PUF60: variants seen among roughly 807,000 people sequenced by gnomAD.
The protein encoded by PUF60 is poly(U)-binding-splicing factor PUF60.
In PUF60, 10 loss-of-function variants were observed where a neutral mutation model predicts 61.8. That is an observed-to-expected ratio of 0.16 (90% CI 0.10 to 0.27). The LOEUF is 0.27. Ranked by LOEUF, PUF60 falls within the 10% of genes least tolerant of loss-of-function variation. The pLI is 1.00. For missense variants in PUF60, 371 were observed against 754.0 expected, an observed-to-expected ratio of 0.49 and a Z score of 5.95; for synonymous variants, 353 against 300.9, an observed-to-expected ratio of 1.17 and a Z score of -1.79.
At chr8:143,819,248 G>A (rs1423929923) in intron 5 of PUF60, among the ~76,000 whole-genome samples, 3 of 152,148 alleles carry the variant, frequency 2.0e-5, no homozygotes, top group Non-Finnish European at 4.4e-5. Flanking sequence ...GACCCTACGA[G>A]AAGCCCCCAG....
chr8:143,821,467 G>A (rs1260425293), intron 4 of PUF60, 130 bp downstream of exon 4: 2 of 867,008 alleles, frequency 2.3e-6, no homozygotes, highest in Non-Finnish European at 3.6e-6. Context: ...TCCCGAGCAT[G>A]AGTCTTTGAG....
At position 143,826,075 on chromosome 8, in the gene PUF60, C is replaced by T. The variant is rs1009992574; in HGVS notation, c.25-1676G>A. On this transcript the variant is annotated intron_variant, in intron 1 of 11. Transcript: ENST00000526683. ...GACGCTGGGAGAACTTGGAGGAAAC[C>T]GGTGTTTACAATCGCAGCTAGTCAC... 1.3e-4 allele frequency among the ~76,000 whole-genome samples: 20 copies of T among 152,328 alleles called. No homozygotes were observed. The East Asian group carries it at 1.9e-3, about 15-fold the overall frequency.
At chr8:143,828,103 G>A (rs1306125964) in intron 1 of PUF60, among the ~76,000 whole-genome samples, 2 of 152,254 alleles carry the variant, frequency 1.3e-5, no homozygotes, top group Admixed American at 6.5e-5. Flanking sequence ...AAAGAGTGGA[G>A]TTAGCCAGTC....
rs546901316 is a variant in PUF60 at position 143,828,294 on chromosome 8, A to C, written c.24+986T>G. ...CAGTCCAGCCTTCAGCCATTTGCCC[A>C]AGCTGTCTTCTCAAACAGACCTTAT... On this transcript the variant is annotated intron_variant, in intron 1 of 11. Coordinates refer to ENST00000526683, the MANE Select transcript of PUF60 (RefSeq NM_078480.3). Among the ~76,000 whole-genome samples the C allele has an allele frequency of 9.2e-5, 14 of 152,304 alleles. No homozygotes were observed. The South Asian group carries it at 2.9e-3, about 32-fold the overall frequency.
chr8:143,826,299 G>C (rs1817629028), intron 1 of PUF60, among the ~76,000 whole-genome samples: 1 of 152,236 alleles, frequency 6.6e-6, no homozygotes, highest in South Asian at 2.1e-4. Flanking sequence ...GAAAAGCAAT[G>C]TAGGGGCTGG....
chr8:143,820,734 C>CA lies in PUF60; in HGVS notation c.298-19dup. 6.2e-7 allele frequency: 1 copy of CA among 1,610,918 alleles called. No individual in the cohort carries two copies. ...GCTGCCATCTGAAAGACAGTAAAGACAGAGTTCAGTCTGTTGGAGCCGAGC... is the reference window on the plus strand; with the variant it reads ...GCTGCCATCTGAAAGACAGTAAAGACAAGAGTTCAGTCTGTTGGAGCCGAGC... On this transcript the variant is annotated intron_variant, in intron 4 of 11. Coordinates refer to ENST00000526683, the MANE Select transcript of PUF60 (RefSeq NM_078480.3).
Position 143,817,234 on chromosome 8 carries a change from G to A in PUF60, c.1145-89C>T, listed in dbSNP as rs922185401. 5.9e-6 allele frequency: 9 copies of A among 1,518,076 alleles called. No homozygotes were observed. Among genetic ancestry groups the A allele is most frequent in the South Asian group, 3.9e-5 (3 of 76,754 alleles). 94.0% of individuals were successfully genotyped at this position (1,518,076 alleles called of 1,614,324 possible). A position where few individuals can be genotyped will look rare whatever the true frequency, so the allele number is the denominator to read the frequency against. On this transcript the variant is annotated intron_variant, in intron 10 of 11. Transcript: ENST00000526683. This position sits in a 1 kb window ranked among gnomAD's most constrained non-coding sequence, Gnocchi z 7.4. ...GAGCTGGCCTGCCCTGGGCTCAGAG[G>A]GTTGTGCCCAGACCACCAGGGCCAG...
At position 143,829,277 on chromosome 8, in the gene PUF60, T is replaced by C; in HGVS notation, c.24+3A>G. 1 of 1,265,158 alleles carries C rather than the reference T, an allele frequency of 7.9e-7. No homozygotes were observed. The highest frequency in any genetic ancestry group is 1.0e-6 in the Non-Finnish European group (1 of 998,708). 78.4% of individuals were successfully genotyped at this position (1,265,158 alleles called of 1,614,324 possible). ...GCCCGCGCTCATGGGGGGGCTCACT[T>C]ACGAGAGCTATGGTCGCCGTCGCCA... On this transcript the variant is annotated splice_donor_region_variant and intron_variant, in intron 1 of 11. Coordinates refer to ENST00000526683, the MANE Select transcript of PUF60 (RefSeq NM_078480.3).
At chr8:143,824,489 A>C in intron 1 of PUF60, 90 bp from the exon 2 acceptor site, 2 of 1,376,542 alleles carry the variant, frequency 1.5e-6, no homozygotes, top group Non-Finnish European at 2.0e-6. Flanking sequence ...TGAGCTCCTC[A>C]CGGATAAGCA....
intron 1 of PUF60, chr8:143,827,049 T>G (rs1304276226): frequency 1.3e-5 from 4 of 296,296 alleles, no homozygotes; most frequent in Non-Finnish European, 2.6e-5. Context: ...GGCTCCACAG[T>G]GAGCGCTGCA....
chr8:143,827,860 C>T lies in PUF60; in HGVS notation c.24+1420G>A, dbSNP rs920484430. On this transcript the variant is annotated intron_variant, in intron 1 of 11. Transcript: ENST00000526683. Reference sequence around the variant, plus strand: ...ACAGCAGACCTGAGCCCCCATTTAACCCTCATGAGCACAGGGCGCTGTTCT... The same window carrying T: ...ACAGCAGACCTGAGCCCCCATTTAATCCTCATGAGCACAGGGCGCTGTTCT... Among the ~76,000 whole-genome samples the T allele has an allele frequency of 5.3e-5, 8 of 152,322 alleles. No homozygotes were observed. The South Asian group carries it at 1.0e-3, about 20-fold the overall frequency.
rs1024874465 is a variant in PUF60, at chr8:143,817,160, A to T, written c.1145-15T>A. The T allele has an allele frequency of 6.3e-7, 1 of 1,578,774 alleles. No homozygotes were observed. The highest frequency in any genetic ancestry group is 1.3e-5 in the African/African-American group (1 of 74,316). On this transcript the variant is annotated splice_polypyrimidine_tract_variant and intron_variant, in intron 10 of 11. Transcript: ENST00000526683. This position sits in a 1 kb window ranked among gnomAD's most constrained non-coding sequence, Gnocchi z 7.4. ...TGGGGTCACACCTGCAGGAAAACCA[A>T]CCAGGTCCATCAGTCACTCCCTACC...
intron 1 of PUF60, among the ~76,000 whole-genome samples, chr8:143,826,224 G>T (rs750931133): frequency 2.0e-5 from 3 of 152,228 alleles, no homozygotes; most frequent in African/African-American, 7.2e-5. Context: ...GGGCTCTGGG[G>T]TGCCAACTCT....
At chr8:143,829,041 C>T (rs1264148861) in intron 1 of PUF60, 2 of 1,007,768 alleles carry the variant, frequency 2.0e-6, no homozygotes, top group South Asian at 4.5e-5. Context: ...ACGCCGCGCC[C>T]AGGCCCCCGC....
At chr8:143,816,859 G>C in intron 11 of PUF60, 40 bp from the exon 12 acceptor site, 1 of 1,597,764 alleles carries the variant, frequency 6.3e-7, no homozygotes, top group Non-Finnish European at 8.5e-7. Context: ...TGAGCACTGC[G>C]GCCCCGCCCC....
In PUF60 at chr8:143,817,545, G is replaced by A. The variant is rs755487575; in HGVS notation, c.1008+47C>T. 18 of 1,608,422 alleles carry A rather than the reference G, an allele frequency of 1.1e-5. No homozygotes were observed. In the African/African-American group the frequency reaches 1.7e-4, roughly 16 times the overall value. On this transcript the variant is annotated intron_variant, in intron 9 of 11. Coordinates refer to ENST00000526683, the MANE Select transcript of PUF60 (RefSeq NM_078480.3). The surrounding 1 kb of genome is among the most constrained non-coding windows in gnomAD (Gnocchi z 7.4). ...CCTTGAATCAGTCTCCAAGGAATCA[G>A]GGGCCAGCCCGCCCACCCTCAAGCC...
rs1489383612 is a variant in PUF60, at chr8:143,817,020, GCTC to G, written c.1267_1269del (p.Glu423del). 3.7e-6 allele frequency: 6 copies of G among 1,609,774 alleles called. No homozygotes were observed. Among genetic ancestry groups the G allele is most frequent in the African/African-American group, 1.3e-5 (1 of 74,876 alleles). On this transcript the variant is annotated inframe_deletion, in exon 11 of 12. Transcript: ENST00000526683. This position sits in a 1 kb window ranked among gnomAD's most constrained non-coding sequence, Gnocchi z 7.4. Reference sequence around the variant, plus strand: ...TCTGGCCGCTCTGACTCGGGAAACAGCTCCTCTTCTTCCTTCTCCTTCTTGGGC... The same window carrying G: ...TCTGGCCGCTCTGACTCGGGAAACAGCTCTTCTTCCTTCTCCTTCTTGGGC...
In PUF60 at chr8:143,818,232, C is replaced by T; in HGVS notation, c.564G>A (p.Glu188=). ...EVPEAAQLAL[E]QMNSVMLGGR... The stretch of plus-strand genomic sequence containing the variant: ...CCCCCAGCATCACCGAGTTCATCTG[C>T]TCCAAGGCCAGCTGTGCAGCTTCGG... The change falls in exon 7 of 12, where the codon GAG becomes GAA. Residue 188 remains glutamate (E), a synonymous_variant. Coordinates refer to ENST00000526683, the MANE Select transcript of PUF60 (RefSeq NM_078480.3). This position sits in a 1 kb window ranked among gnomAD's most constrained non-coding sequence, Gnocchi z 7.9. 2 of 1,611,766 alleles carry T rather than the reference C, an allele frequency of 1.2e-6. No homozygotes were observed. The highest frequency in any genetic ancestry group is 8.5e-7 in the Non-Finnish European group (1 of 1,179,326).
chr8:143,818,327 G>A lies in PUF60; in HGVS notation c.511-42C>T, dbSNP rs1286682009. On this transcript the variant is annotated intron_variant, in intron 6 of 11. Coordinates refer to ENST00000526683, the MANE Select transcript of PUF60 (RefSeq NM_078480.3). The surrounding 1 kb of genome is among the most constrained non-coding windows in gnomAD (Gnocchi z 7.9). ...ACCTGTCAGGCTGCGCGAGCCCAGG[G>A]GTGGGGGCGAGCCCGAAGTGGCCGG... The A allele has an allele frequency of 1.9e-6, 3 of 1,608,372 alleles. No individual in the cohort carries two copies. The highest frequency in any genetic ancestry group is 1.3e-5 in the African/African-American group (1 of 74,868).
Sources: allele counts gnomAD v4.1 joint callset (sites outside exome capture counted in the v4.1 genomes callset), GRCh38; gene constraint gnomAD v4.1.1; non-coding constraint Gnocchi (gnomAD v3.1); transcripts MANE v1.5; gene names NCBI Gene and HGNC (gene_info 2026-07-23, HGNC 2026-07-21).